ZC3H11B: variants seen among roughly 807,000 people sequenced by gnomAD.
The protein encoded by ZC3H11B is zinc finger CCCH domain-containing protein 11B.
ZC3H11B carries 3 observed loss-of-function variants against 34.0 expected under a neutral mutation model. The ratio of observed to expected loss-of-function variants is 0.09; its 90% CI spans 0.04 to 0.23. The LOEUF is 0.23. Ranked by LOEUF, ZC3H11B falls within the 10% of genes least tolerant of loss-of-function variation. The probability of loss-of-function intolerance (pLI) is 1.00; values close to 1 mark genes in which losing one functional copy is unlikely to be tolerated. For synonymous variants in ZC3H11B, 33 were observed against 250.1 expected, an observed-to-expected ratio of 0.13 and a Z score of 8.19; for missense variants, 99 against 660.1, an observed-to-expected ratio of 0.15 and a Z score of 9.31.
chr1:219,611,248 T>C (rs1667997575), exon 2 of ZC3H11B: 4 of 854,798 alleles, frequency 4.7e-6, no homozygotes, highest in Non-Finnish European at 8.1e-6. Flanking sequence ...CAAGGGTTCT[T>C]CTCCTTGTTT....
exon 2 of ZC3H11B, among the ~76,000 whole-genome samples, chr1:219,608,048 G>T (rs1317219246): frequency 6.6e-6 from 1 of 151,806 alleles, no homozygotes; most frequent in African/African-American, 2.4e-5. Flanking sequence ...AAAAGCAAAA[G>T]AATAAAGAAT....
chr1:219,608,102 G>A lies in ZC3H11B; in HGVS notation c.*1543C>T, dbSNP rs558828574. Among the ~76,000 whole-genome samples the A allele has an allele frequency of 2.4e-3, 372 of 152,090 alleles. 1 individual carries two copies. Among genetic ancestry groups the A allele is most frequent in the Middle Eastern group, 6.8e-3 (2 of 294 alleles). ...GAATCTGTAAGCTGATTCCAAAAGCGAAATAAGTAGAAAATCCGTGGTGAA... is the reference window on the plus strand; with the variant it reads ...GAATCTGTAAGCTGATTCCAAAAGCAAAATAAGTAGAAAATCCGTGGTGAA... On this transcript the variant is annotated 3_prime_UTR_variant, in exon 2 of 2. Coordinates refer to ENST00000651890, the Ensembl canonical transcript of ZC3H11B.
exon 2 of ZC3H11B, chr1:219,612,136 CA>C: frequency 1.7e-6 from 1 of 595,378 alleles, no homozygotes; most frequent in South Asian, 2.0e-5. Flanking sequence ...GACCAGGCTC[CA>C]AGTCCTCGTG....
exon 2 of ZC3H11B, chr1:219,612,458 G>A (rs1182636007): frequency 6.2e-6 from 1 of 162,332 alleles, no homozygotes; most frequent in African/African-American, 4.0e-5. Context: ...GCAAGGGTTA[G>A]TTATCTCCTC....
exon 2 of ZC3H11B, chr1:219,609,873 A>T (rs1667973341): frequency 6.2e-7 from 1 of 1,614,062 alleles, no homozygotes; most frequent in African/African-American, 1.3e-5. Flanking sequence ...ACTGGGTTGG[A>T]GGCAGCACAA....
chr1:219,613,008 A>G, exon 1 of ZC3H11B: 1 of 244,578 alleles, frequency 4.1e-6, no homozygotes, highest in Non-Finnish European at 7.7e-6. Flanking sequence ...CGATGACACT[A>G]TCCCCGACTC....
chr1:219,608,577 A>G (rs1031070331), exon 2 of ZC3H11B: 4 of 152,106 alleles, frequency 2.6e-5, no homozygotes, highest in African/African-American at 9.7e-5. Flanking sequence ...AGAAGAGAAA[A>G]CCCAATTCAG....
In ZC3H11B at chr1:219,609,956, C is replaced by CA. The variant is rs1667976098; in HGVS notation, c.2106_2107insT (p.Asp703Ter). On this transcript the variant is annotated frameshift_variant, in exon 2 of 2. Transcript: ENST00000651890. LOFTEE classifies it high-confidence loss of function. ...TCAGAGTCAAGCAGGACAACAGCAT[C>CA]CACAGCTGCCTTTTTGGCTGGGGGT... is the stretch of plus-strand genomic sequence containing the variant. 1 of 1,552,070 alleles carries CA rather than the reference C, an allele frequency of 6.4e-7. No individual in the cohort carries two copies. Among genetic ancestry groups the CA allele is most frequent in the Admixed American group, 1.7e-5 (1 of 59,938 alleles).
At chr1:219,608,765 T>A (rs571196927) in exon 2 of ZC3H11B, 30 of 152,710 alleles carry the variant, frequency 2.0e-4, no homozygotes, top group African/African-American at 7.2e-4. Context: ...AGGGGTTTGT[T>A]GGGAGAATTA....
In ZC3H11B at chr1:219,610,957, GCT is replaced by G. The variant is rs1429791599; in HGVS notation, c.1104_1105del (p.Arg368SerfsTer11). ...TTGCGATTCCCCATGTTTCTGACTG[GCT>G]CTTTCAAGAAGCATTTCTTCTAATG... On this transcript the variant is annotated frameshift_variant, in exon 2 of 2. Coordinates refer to ENST00000651890, the Ensembl canonical transcript of ZC3H11B. LOFTEE classifies it high-confidence loss of function. The G allele has an allele frequency of 1.1e-5, 7 of 627,616 alleles. No individual in the cohort carries two copies. Among genetic ancestry groups the G allele is most frequent in the Non-Finnish European group, 1.9e-5 (7 of 367,910 alleles). 38.9% of individuals were successfully genotyped at this position (627,616 alleles called of 1,614,324 possible).
chr1:219,611,579 C>G (rs1668000962), exon 2 of ZC3H11B: 1 of 1,253,428 alleles, frequency 8.0e-7, no homozygotes, highest in Non-Finnish European at 1.2e-6. Flanking sequence ...TCTTCATCAT[C>G]ATCTGCAGCA....
chr1:219,608,434 C>A (rs1405038607), exon 2 of ZC3H11B: 1 of 152,110 alleles, frequency 6.6e-6, no homozygotes, highest in Non-Finnish European at 1.5e-5. Flanking sequence ...AGCAAAATAT[C>A]AAAATGAGTA....
exon 2 of ZC3H11B, chr1:219,608,481 A>G (rs1427319426): frequency 6.6e-6 from 1 of 151,990 alleles, no homozygotes; most frequent in Non-Finnish European, 1.5e-5. Context: ...TATATACAAC[A>G]TATCTCCTTT....
Position 219,610,800 on chromosome 1 carries a change from CT to C in ZC3H11B, c.1262del (p.Glu421GlyfsTer14). On this transcript the variant is annotated frameshift_variant, in exon 2 of 2. Transcript: ENST00000651890. LOFTEE classifies it high-confidence loss of function. Reference sequence around the variant, plus strand: ...TTGTATCCTTTTTGCTTTTTTGTCTCTCTGCTTCCTGCTGCCTATGTTCTTC... The same window carrying C: ...TTGTATCCTTTTTGCTTTTTTGTCTCCTGCTTCCTGCTGCCTATGTTCTTC... 1 of 560,340 alleles carries C rather than the reference CT, an allele frequency of 1.8e-6. No homozygotes were observed. Among genetic ancestry groups the C allele is most frequent in the Non-Finnish European group, 3.0e-6 (1 of 333,452 alleles). 34.7% of individuals were successfully genotyped at this position (560,340 alleles called of 1,614,324 possible).
At chr1:219,609,942 C>T (rs1383678064) in exon 2 of ZC3H11B, 1 of 1,562,100 alleles carries the variant, frequency 6.4e-7, no homozygotes, top group African/African-American at 1.4e-5. Flanking sequence ...CAGAGTCAAG[C>T]AGGACAACAG....
chr1:219,612,299 T>C (rs1668013233), exon 2 of ZC3H11B: 1 of 495,456 alleles, frequency 2.0e-6, no homozygotes, highest in African/African-American at 2.3e-5. Flanking sequence ...AATCCATGAA[T>C]TAATAATAAT....
In ZC3H11B at chr1:219,611,311, C is replaced by CAGGCT; in HGVS notation, c.751_752insAGCCT (p.Gly251GlufsTer13). 1.2e-6 allele frequency: 1 copy of CAGGCT among 811,288 alleles called. No homozygotes were observed. Among genetic ancestry groups the CAGGCT allele is most frequent in the Non-Finnish European group, 2.0e-6 (1 of 489,822 alleles). The allele number at this position is 811,288 out of a possible 1,614,324, so 50.3% of individuals were successfully genotyped here. A position where few individuals can be genotyped will look rare whatever the true frequency, so the allele number is the denominator to read the frequency against. ...AGTCCTGACATTTTCTTTTTCAGGA[C>CAGGCT]CTGGAACAGGCTCAGGGTGGAGTAA... is the stretch of plus-strand genomic sequence containing the variant. On this transcript the variant is annotated frameshift_variant, in exon 2 of 2. Coordinates refer to ENST00000651890, the Ensembl canonical transcript of ZC3H11B. LOFTEE classifies it high-confidence loss of function.
In ZC3H11B at chr1:219,609,888, GTC is replaced by G; in HGVS notation, c.2173_2174del (p.Asp725GlnfsTer48). 1 of 1,614,184 alleles carries G rather than the reference GTC, an allele frequency of 6.2e-7. No individual in the cohort carries two copies. The highest frequency in any genetic ancestry group is 1.1e-5 in the South Asian group (1 of 91,086). The stretch of plus-strand genomic sequence containing the variant: ...ACTGGGTTGGAGGCAGCACAAGACT[GTC>G]TCTAGGATTTTCTGCTTCAGGCACA... On this transcript the variant is annotated frameshift_variant, in exon 2 of 2. Transcript: ENST00000651890. LOFTEE classifies it high-confidence loss of function.
At chr1:219,608,957 G>A (rs1318406708) in exon 2 of ZC3H11B, 1 of 152,126 alleles carries the variant, frequency 6.6e-6, no homozygotes, top group Non-Finnish European at 1.5e-5. Flanking sequence ...GGACCCCTGA[G>A]GCACTTTAAA....
Sources: gnomAD v4.1 joint callset for allele counts (sites outside exome capture counted in the v4.1 genomes callset) on GRCh38, gnomAD v4.1.1 for gene constraint, MANE v1.5 for transcripts, NCBI Gene and HGNC (gene_info 2026-07-23, HGNC 2026-07-21) for gene names.